Variants in TAFA1 observed in about 807,000 individuals in gnomAD.
TAFA1 encodes TAFA chemokine like family member 1.
In TAFA1, 4 loss-of-function variants were observed where a neutral mutation model predicts 18.5. The observed-to-expected ratio is 0.22, with a 90% CI of 0.11 to 0.49. TAFA1 has a LOEUF of 0.49. Among genes scored for constraint, TAFA1 ranks in the 20% least tolerant of loss-of-function variants. The probability of loss-of-function intolerance (pLI) is 0.98; values close to 1 mark genes in which losing one functional copy is unlikely to be tolerated. For synonymous variants in TAFA1, 56 were observed against 55.2 expected (o/e 1.01, Z -0.06); for missense variants, 147 against 169.0 (o/e 0.87, Z 0.72).
intron 2 of TAFA1, among the ~76,000 whole-genome samples, chr3:68,245,706 T>C (rs2107144953): frequency 6.6e-6 from 1 of 152,372 alleles, no homozygotes; most frequent in South Asian, 2.1e-4. Flanking sequence ...TTGCTTCCTC[T>C]ACTGATTACT....
intron 2 of TAFA1, among the ~76,000 whole-genome samples, chr3:68,153,927 A>T (rs913922153): frequency 6.6e-6 from 1 of 152,116 alleles, no homozygotes; most frequent in African/African-American, 2.4e-5. Flanking sequence ...GTTCCCCTTC[A>T]ATCACTTTAA....
intron 2 of TAFA1, among the ~76,000 whole-genome samples, chr3:68,174,136 A>T (rs1559547369): frequency 6.6e-6 from 1 of 152,236 alleles, no homozygotes. Flanking sequence ...TTTTAACTGG[A>T]TTGTGCTTTA....
intron 3 of TAFA1, among the ~76,000 whole-genome samples, chr3:68,531,504 C>T (rs1302295394): frequency 5.3e-5 from 8 of 152,194 alleles, no homozygotes; most frequent in Admixed American, 4.6e-4. Flanking sequence ...TTTAGCGGGG[C>T]TGTCCACATG....
At chr3:68,507,995 C>T (rs1476179571) in intron 3 of TAFA1, among the ~76,000 whole-genome samples, 1 of 152,120 alleles carries the variant, frequency 6.6e-6, no homozygotes, top group Non-Finnish European at 1.5e-5. Flanking sequence ...TAACCATAGA[C>T]TGGGCAGCTT....
At chr3:68,499,778 G>C (rs2106702849) in intron 3 of TAFA1, among the ~76,000 whole-genome samples, 1 of 150,940 alleles carries the variant, frequency 6.6e-6, no homozygotes, top group Admixed American at 6.6e-5. Context: ...GCAAAGGGCA[G>C]TTTTGAAAAT....
chr3:68,540,156 A>AT (rs1223204238), intron 4 of TAFA1, among the ~76,000 whole-genome samples: 1 of 152,164 alleles, frequency 6.6e-6, no homozygotes, highest in East Asian at 1.9e-4. Context: ...TATAAAACTT[A>AT]TTTTTCACAT....
At chr3:68,261,764 TGTGG>T (rs759704055) in intron 2 of TAFA1, among the ~76,000 whole-genome samples, 11 of 151,890 alleles carry the variant, frequency 7.2e-5, no homozygotes, top group Non-Finnish European at 1.6e-4. Context: ...CGGGAACTGT[TGTGG>T]GGTGGAGGGA....
intron 2 of TAFA1, among the ~76,000 whole-genome samples, chr3:68,240,570 C>A (rs1042725943): frequency 1.3e-5 from 2 of 152,082 alleles, no homozygotes; most frequent in African/African-American, 4.8e-5. Flanking sequence ...TTTATATGAC[C>A]TTTGACTATA....
At chr3:68,015,021 A>G (rs908962403) in intron 2 of TAFA1, among the ~76,000 whole-genome samples, 7 of 152,058 alleles carry the variant, frequency 4.6e-5, no homozygotes, top group African/African-American at 1.4e-4. Flanking sequence ...AAATATCTTT[A>G]TGCAAGCAGA....
At chr3:68,089,524 A>G (rs1418909054) in intron 2 of TAFA1, among the ~76,000 whole-genome samples, 1 of 152,196 alleles carries the variant, frequency 6.6e-6, no homozygotes, top group Non-Finnish European at 1.5e-5. Flanking sequence ...AGTGTAGGGT[A>G]TAAGAGAGAA....
intron 3 of TAFA1, among the ~76,000 whole-genome samples, chr3:68,433,015 T>A (rs1474413138): frequency 6.6e-6 from 1 of 152,036 alleles, no homozygotes; most frequent in South Asian, 2.1e-4. Context: ...GCCTAATCCG[T>A]TCTTCCAAAC....
chr3:68,214,089 A>G (rs1385115067), intron 2 of TAFA1, among the ~76,000 whole-genome samples: 3 of 152,098 alleles, frequency 2.0e-5, no homozygotes. Context: ...GTACCCTAGT[A>G]AAACACATTA....
At chr3:68,111,383 A>C (rs1046885831) in intron 2 of TAFA1, among the ~76,000 whole-genome samples, 22 of 152,170 alleles carry the variant, frequency 1.4e-4, no homozygotes, top group African/African-American at 5.3e-4. Context: ...ATATATATAT[A>C]GATGAAGAGT....
In TAFA1 at chr3:68,185,125, G is replaced by A. The variant is rs11914393; in HGVS notation, c.118+178381G>A. Among the ~76,000 whole-genome samples the A allele has an allele frequency of 1.8e-3, 278 of 152,234 alleles. 1 individual carries two copies. Among genetic ancestry groups the A allele is most frequent in the African/African-American group, 6.3e-3 (262 of 41,554 alleles). On this transcript the variant is annotated intron_variant, in intron 2 of 4. Coordinates refer to ENST00000478136, the MANE Select transcript of TAFA1 (RefSeq NM_213609.4). ...GACATCTGAGCAAGCACTAAGTGGAGATGTGTAGCCAGAGGAACCAGTCCG... is the reference window on the plus strand; with the variant it reads ...GACATCTGAGCAAGCACTAAGTGGAAATGTGTAGCCAGAGGAACCAGTCCG...
At chr3:68,248,739 G>A (rs1349840194) in intron 2 of TAFA1, among the ~76,000 whole-genome samples, 1 of 134,316 alleles carries the variant, frequency 7.4e-6, no homozygotes, top group Non-Finnish European at 1.6e-5. Flanking sequence ...CGGGGGGCGG[G>A]GGGCGGGGGC....
At chr3:68,409,436 G>C (rs1189062049) in intron 2 of TAFA1, among the ~76,000 whole-genome samples, 2 of 151,604 alleles carry the variant, frequency 1.3e-5, no homozygotes, top group Non-Finnish European at 2.9e-5. Context: ...ATGATGGTGG[G>C]GGAGTTCTTA....
Position 68,330,628 on chromosome 3 carries a change from G to T in TAFA1, c.119-86652G>T, listed in dbSNP as rs145551025. On this transcript the variant is annotated intron_variant, in intron 2 of 4. Coordinates refer to ENST00000478136, the MANE Select transcript of TAFA1 (RefSeq NM_213609.4). ...TCAATATTCACAATTTACAAGGGAA[G>T]AAATCAAAGCTTAGAGAAATTAAGT... Among the ~76,000 whole-genome samples the T allele has an allele frequency of 3.9e-3, 590 of 152,326 alleles. 4 individuals are homozygous for T. Among genetic ancestry groups the T allele is most frequent in the African/African-American group, 0.013 (553 of 41,574 alleles).
chr3:68,249,777 G>A (rs2067158133), intron 2 of TAFA1, among the ~76,000 whole-genome samples: 1 of 152,134 alleles, frequency 6.6e-6, no homozygotes, highest in East Asian at 1.9e-4. Flanking sequence ...AATTAAGGCT[G>A]CTAAAAGTAG....
intron 3 of TAFA1, among the ~76,000 whole-genome samples, chr3:68,474,060 C>A (rs896182769): frequency 8.0e-6 from 1 of 125,484 alleles, no homozygotes; most frequent in Non-Finnish European, 1.7e-5. Flanking sequence ...CCCCCCCCCC[C>A]AAGTAAATAA....
Sources: allele counts gnomAD v4.1 joint callset (sites outside exome capture counted in the v4.1 genomes callset), GRCh38; gene constraint gnomAD v4.1.1; transcripts MANE v1.5; gene names NCBI Gene and HGNC (gene_info 2026-07-23, HGNC 2026-07-21).